The following CHURC1 variants were observed in gnomAD, a reference collection of about 807,000 sequenced individuals.
CHURC1 encodes churchill domain containing 1.
CHURC1 carries 12 observed loss-of-function variants against 15.4 expected under a neutral mutation model. The observed-to-expected ratio is 0.78, with a 90% CI of 0.50 to 1.27. The LOEUF is 1.27. CHURC1 is among the 50% of genes most tolerant of loss of function. The probability of loss-of-function intolerance (pLI) is 0.00; values close to 1 mark genes in which losing one functional copy is unlikely to be tolerated. For missense variants in CHURC1, 132 were observed against 137.8 expected, an observed-to-expected ratio of 0.96 and a Z score of 0.21; for synonymous variants, 42 against 47.5, an observed-to-expected ratio of 0.88 and a Z score of 0.48.
Position 64,934,135 on chromosome 14 carries a change from G to C in CHURC1, c.*1905G>C. ...AAGCAGGCGGATCACCTGAGGTCAG[G>C]AGTTTGAGACCAGCCGGGCCAACAT... On this transcript the variant is annotated 3_prime_UTR_variant, in exon 4 of 4. Transcript: ENST00000549115. 1 of 792,360 alleles carries C rather than the reference G, an allele frequency of 1.3e-6. No individual in the cohort carries two copies. Among genetic ancestry groups the C allele is most frequent in the Non-Finnish European group, 1.5e-6 (1 of 654,348 alleles). 49.1% of individuals were successfully genotyped at this position (792,360 alleles called of 1,614,324 possible). A position where few individuals can be genotyped will look rare whatever the true frequency, so the allele number is the denominator to read the frequency against.
At chr14:64,927,732 T>TCCCCCCCCCCCC (rs1566830855) in intron 3 of CHURC1, among the ~76,000 whole-genome samples, 12 of 106,652 alleles carry the variant, frequency 1.1e-4, no homozygotes, top group Admixed American at 2.0e-4. Context: ...CCCCCCGCCG[T>TCCCCCCCCCCCC]CAATTCATAC....
At chr14:64,928,199 T>G (rs570439075) in intron 3 of CHURC1, among the ~76,000 whole-genome samples, 1 of 152,202 alleles carries the variant, frequency 6.6e-6, no homozygotes, top group Non-Finnish European at 1.5e-5. Context: ...TCCAGTGTAC[T>G]TTGATTCATC....
intron 1 of CHURC1, among the ~76,000 whole-genome samples, chr14:64,919,354 C>T (rs1436597772): frequency 6.6e-6 from 1 of 152,146 alleles, no homozygotes; most frequent in East Asian, 1.9e-4. Context: ...TTTAAAATTA[C>T]TTGTTTTGTA....
chr14:64,917,081 C>T (rs1883943012), intron 1 of CHURC1, among the ~76,000 whole-genome samples: 1 of 152,116 alleles, frequency 6.6e-6, no homozygotes, highest in South Asian at 2.1e-4. Context: ...CTCCACAGGG[C>T]ATTTGAGGAG....
At chr14:64,928,694 T>C (rs1320436741) in intron 3 of CHURC1, among the ~76,000 whole-genome samples, 1 of 151,960 alleles carries the variant, frequency 6.6e-6, no homozygotes, top group African/African-American at 2.4e-5. Context: ...CTTAGTTCTT[T>C]TCTCTCTTAC....
Position 64,932,377 on chromosome 14 carries a change from ATGTAGGAGCTCATT to A in CHURC1, c.*148_*161del. The A allele has an allele frequency of 4.9e-6, 7 of 1,419,828 alleles. No homozygotes were observed. In the South Asian group the frequency reaches 9.5e-5, roughly 19 times the overall value. The allele number at this position is 1,419,828 out of a possible 1,614,324, so 88.0% of individuals were successfully genotyped here. ...ACTTATTCTTTGAGGAAAAAAGGTA[ATGTAGGAGCTCATT>A]GTTCTCTAGAGCTGAGCTCTTCTGC... is the stretch of plus-strand genomic sequence containing the variant. On this transcript the variant is annotated 3_prime_UTR_variant, in exon 4 of 4. Transcript: ENST00000549115.
chr14:64,916,418 C>T (rs55796139), intron 1 of CHURC1, among the ~76,000 whole-genome samples: 4,479 of 152,124 alleles, frequency 0.029, 119 homozygotes, highest in South Asian at 0.12. Flanking sequence ...ATTTCTTGTT[C>T]GCTACATTTA....
Position 64,934,043 on chromosome 14 carries a change from CA to C in CHURC1, c.*1816del, listed in dbSNP as rs1382381367. The C allele has an allele frequency of 9.2e-6, 9 of 982,628 alleles. No homozygotes were observed. The highest frequency in any genetic ancestry group is 9.6e-6 in the Non-Finnish European group (8 of 829,554). The allele number at this position is 982,628 out of a possible 1,614,324, so 60.9% of individuals were successfully genotyped here. Reference sequence around the variant, plus strand: ...TTTTAGAGCCAAAAAAACTCAGGCACAAAGAAGTTAAATAACTTGCCGGGTG... The same window carrying C: ...TTTTAGAGCCAAAAAAACTCAGGCACAAGAAGTTAAATAACTTGCCGGGTG... On this transcript the variant is annotated 3_prime_UTR_variant, in exon 4 of 4. Coordinates refer to ENST00000549115, the MANE Select transcript of CHURC1 (RefSeq NM_001386928.1).
At chr14:64,917,511 C>T (rs185497128) in intron 1 of CHURC1, among the ~76,000 whole-genome samples, 16 of 151,902 alleles carry the variant, frequency 1.1e-4, no homozygotes, top group Admixed American at 2.6e-4. Context: ...TGCAGTGAGC[C>T]GAGATCACAC....
chr14:64,914,752 C>T (rs1427492754), intron 1 of CHURC1, among the ~76,000 whole-genome samples: 1 of 152,246 alleles, frequency 6.6e-6, no homozygotes, highest in Admixed American at 6.5e-5. Flanking sequence ...TGGCCGTTCT[C>T]TTGAGCTCCA....
At chr14:64,926,126 G>T in intron 3 of CHURC1, 46 bp downstream of exon 3, 1 of 1,382,210 alleles carries the variant, frequency 7.2e-7, no homozygotes, top group South Asian at 1.4e-5. Flanking sequence ...GAGGTTAGGG[G>T]AATAATAAAA....
At chr14:64,925,109 T>A (rs1440829981) in intron 2 of CHURC1, among the ~76,000 whole-genome samples, 1 of 152,228 alleles carries the variant, frequency 6.6e-6, no homozygotes, top group East Asian at 1.9e-4. Context: ...TTCCAATACA[T>A]CCTGGCTCAG....
At chr14:64,923,895 G>T in intron 1 of CHURC1, 96 bp from the exon 2 acceptor site, 7 of 1,150,980 alleles carry the variant, frequency 6.1e-6, no homozygotes, top group African/African-American at 1.7e-5. Flanking sequence ...CCATTTTTTA[G>T]TTTTGTTTTG....
intron 1 of CHURC1, among the ~76,000 whole-genome samples, chr14:64,916,868 G>A (rs1459280974): frequency 1.3e-5 from 2 of 152,098 alleles, no homozygotes; most frequent in Non-Finnish European, 2.9e-5. Context: ...GTGAGCCACC[G>A]CGCCGGGCCT....
At chr14:64,915,597 CTG>C (rs2139872163) in intron 1 of CHURC1, among the ~76,000 whole-genome samples, 1 of 152,302 alleles carries the variant, frequency 6.6e-6, no homozygotes, top group South Asian at 2.1e-4. Context: ...GAGAAAGTCT[CTG>C]TAGTTCCTTA....
rs373635011 is a variant in CHURC1 at position 64,914,492 on chromosome 14, C to A, written c.-4C>A. On this transcript the variant is annotated 5_prime_UTR_variant, in exon 1 of 4. Transcript: ENST00000549115. ...GGAGGACATTCCCTGTTGACTGCGTCGCGATGTGTGGCGACTGTGTGGAGA... is the reference window on the plus strand; with the variant it reads ...GGAGGACATTCCCTGTTGACTGCGTAGCGATGTGTGGCGACTGTGTGGAGA... 2.5e-6 allele frequency: 4 copies of A among 1,614,142 alleles called. No individual in the cohort carries two copies. The African/African-American group carries it at 5.3e-5, about 22-fold the overall frequency.
intron 2 of CHURC1, chr14:64,924,376 A>G: frequency 3.5e-6 from 1 of 288,028 alleles, no homozygotes; most frequent in Admixed American, 5.2e-5. Flanking sequence ...TTATCAAATT[A>G]TTTTTCACGG....
At chr14:64,921,693 A>G (rs1884308933) in intron 1 of CHURC1, among the ~76,000 whole-genome samples, 1 of 152,216 alleles carries the variant, frequency 6.6e-6, no homozygotes, top group South Asian at 2.1e-4. Flanking sequence ...GAACTCACAC[A>G]TTGCTGGCAG....
intron 1 of CHURC1, among the ~76,000 whole-genome samples, chr14:64,919,249 A>G (rs577008223): frequency 2.6e-5 from 4 of 152,344 alleles, no homozygotes; most frequent in South Asian, 2.1e-4. Context: ...AACATTTCAT[A>G]TATTTTAATT....
Sources: allele counts gnomAD v4.1 joint callset (sites outside exome capture counted in the v4.1 genomes callset), GRCh38; gene constraint gnomAD v4.1.1; transcripts MANE v1.5; gene names NCBI Gene and HGNC (gene_info 2026-07-23, HGNC 2026-07-21).